TSNARE1: variants seen among roughly 807,000 people sequenced by gnomAD.
TSNARE1 encodes t-SNARE domain-containing protein 1.
Under a neutral mutation model 62.0 loss-of-function variants are expected in TSNARE1, and 49 were observed. The ratio of observed to expected loss-of-function variants is 0.79; its 90% CI spans 0.63 to 1.00. The LOEUF (loss-of-function observed/expected upper bound fraction) is 1.00, where lower values mean the gene tolerates loss of function less well. Among genes scored for constraint, TSNARE1 ranks in the 50% least tolerant of loss-of-function variants. The probability of loss-of-function intolerance (pLI) is 0.00; values close to 1 mark genes in which losing one functional copy is unlikely to be tolerated. For synonymous variants in TSNARE1, 328 were observed against 294.4 expected, an observed-to-expected ratio of 1.11 and a Z score of -1.17; for missense variants, 755 against 700.1, an observed-to-expected ratio of 1.08 and a Z score of -0.88.
At chr8:142,316,169 C>T (rs1413074496) in intron 7 of TSNARE1, among the ~76,000 whole-genome samples, 1 of 148,026 alleles carries the variant, frequency 6.8e-6, no homozygotes, top group Non-Finnish European at 1.5e-5. Context: ...CTCAGGCACA[C>T]CTGAGTCAGA....
At chr8:142,371,611 G>C (rs1010633945) in intron 1 of TSNARE1, among the ~76,000 whole-genome samples, 2 of 152,176 alleles carry the variant, frequency 1.3e-5, no homozygotes, top group African/African-American at 4.8e-5. Flanking sequence ...GAGGTATCGG[G>C]CTGTAAAGGA....
chr8:142,364,267 T>C (rs1835375303), intron 1 of TSNARE1, among the ~76,000 whole-genome samples: 1 of 152,204 alleles, frequency 6.6e-6, no homozygotes, highest in Non-Finnish European at 1.5e-5. Context: ...CTCGTCATCC[T>C]ACCCGCCACA....
Position 142,345,908 on chromosome 8 carries a change from G to T in TSNARE1, c.89-16C>A. On this transcript the variant is annotated splice_polypyrimidine_tract_variant and intron_variant, in intron 2 of 13. Coordinates refer to ENST00000524325, the MANE Select transcript of TSNARE1 (RefSeq NM_145003.5). ...CTAGCGCACTCTACGGACAGCAAGGGACAGTCACGATTACTCTCAGCTCAG... is the reference window on the plus strand; with the variant it reads ...CTAGCGCACTCTACGGACAGCAAGGTACAGTCACGATTACTCTCAGCTCAG... The T allele has an allele frequency of 1.2e-6, 2 of 1,610,104 alleles. No individual in the cohort carries two copies. The highest frequency in any genetic ancestry group is 1.7e-6 in the Non-Finnish European group (2 of 1,177,708).
At chr8:142,346,185 C>G (rs1833346653) in intron 2 of TSNARE1, among the ~76,000 whole-genome samples, 1 of 152,212 alleles carries the variant, frequency 6.6e-6, no homozygotes, top group Non-Finnish European at 1.5e-5. Flanking sequence ...ACAGATTAAT[C>G]CCTGGACAGC....
chr8:142,294,294 T>C (rs1424527020), intron 10 of TSNARE1, among the ~76,000 whole-genome samples: 1 of 152,090 alleles, frequency 6.6e-6, no homozygotes, highest in African/African-American at 2.4e-5. Context: ...ATCACCTCGC[T>C]AACACCTGGG....
intron 13 of TSNARE1, among the ~76,000 whole-genome samples, chr8:142,226,411 G>A (rs1408757424): frequency 3.3e-5 from 5 of 152,162 alleles, no homozygotes; most frequent in East Asian, 1.9e-4. Flanking sequence ...TACGGTTGGC[G>A]CCTCCCGCCC....
chr8:142,280,597 G>A (rs997683276), intron 11 of TSNARE1, among the ~76,000 whole-genome samples: 13 of 152,126 alleles, frequency 8.5e-5, no homozygotes, highest in African/African-American at 2.7e-4. Flanking sequence ...CCCTCCCCAC[G>A]ACTGCTCCCT....
chr8:142,320,483 C>T (rs1013993939), intron 6 of TSNARE1, among the ~76,000 whole-genome samples: 2 of 151,810 alleles, frequency 1.3e-5, no homozygotes, highest in Non-Finnish European at 2.9e-5. Context: ...CCCACACTGC[C>T]CTCCTGCACC....
In TSNARE1 at chr8:142,251,226, C is replaced by G. The variant is rs76815107; in HGVS notation, c.1447-21647G>C. On this transcript the variant is annotated intron_variant, in intron 12 of 13. Transcript: ENST00000524325. ...TCCACCAGATTCCCAGTCTCCAGAC[C>G]CCGGCCCCCCTGCACACCGCAGCCT... Among the ~76,000 whole-genome samples, 138 of 152,088 alleles carry G rather than the reference C, an allele frequency of 9.1e-4. 1 individual carries two copies. The East Asian group carries it at 0.021, about 23-fold the overall frequency.
intron 13 of TSNARE1, among the ~76,000 whole-genome samples, chr8:142,226,615 C>G (rs1367902023): frequency 1.3e-5 from 2 of 152,176 alleles, no homozygotes; most frequent in Admixed American, 1.3e-4. Context: ...CCCCACTCCT[C>G]TGGCTAAAGA....
At chr8:142,402,063 A>G (rs1157874210) in intron 1 of TSNARE1, among the ~76,000 whole-genome samples, 1 of 152,162 alleles carries the variant, frequency 6.6e-6, no homozygotes, top group Non-Finnish European at 1.5e-5. Context: ...GAGAGCGGTC[A>G]GAAAGGTGAG....
intron 10 of TSNARE1, among the ~76,000 whole-genome samples, chr8:142,284,880 C>T (rs182948088): frequency 6.6e-6 from 1 of 152,346 alleles, no homozygotes; most frequent in Non-Finnish European, 1.5e-5. Context: ...AAAGGCCTGA[C>T]TGCAAGAGAG....
intron 1 of TSNARE1, among the ~76,000 whole-genome samples, chr8:142,397,760 G>A (rs1837998845): frequency 6.6e-6 from 1 of 152,160 alleles, no homozygotes; most frequent in Non-Finnish European, 1.5e-5. Context: ...ATGAGCAGCA[G>A]CTGCTGCCAG....
intron 9 of TSNARE1, among the ~76,000 whole-genome samples, chr8:142,313,652 C>T (rs1828027533): frequency 6.6e-6 from 1 of 150,876 alleles, no homozygotes; most frequent in Non-Finnish European, 1.5e-5. Context: ...TCTGTCTCTG[C>T]AAGTCTCTGT....
At chr8:142,354,283 C>T (rs148888796) in intron 2 of TSNARE1, among the ~76,000 whole-genome samples, 408 of 152,194 alleles carry the variant, frequency 2.7e-3, no homozygotes, top group African/African-American at 9.3e-3. Flanking sequence ...TGCAAAGTGC[C>T]ACCTGCTCCA....
chr8:142,315,016 C>T lies in TSNARE1; in HGVS notation c.1061G>A (p.Gly354Glu). ...CCAGCACCTCACCTTCTGCACCACT[C>T]CATAGCACTGAATGGCATCTGAGAG... ...TQLSDAIQCY[G>E]VVQKKIAEKS... Residue 354 changes from glycine (G) to glutamate (E), a missense_variant, in exon 8 of 14, where the codon GGA becomes GAA. Physicochemically the swap from Gly to Glu is moderately conservative, Grantham distance 98. Transcript: ENST00000524325. 1 of 1,614,178 alleles carries T rather than the reference C, an allele frequency of 6.2e-7. No homozygotes were observed. The highest frequency in any genetic ancestry group is 8.5e-7 in the Non-Finnish European group (1 of 1,180,024).
At chr8:142,320,278 C>A (rs1345786802) in intron 6 of TSNARE1, among the ~76,000 whole-genome samples, 1 of 152,198 alleles carries the variant, frequency 6.6e-6, no homozygotes, top group East Asian at 1.9e-4. Context: ...AGCCAAAGTC[C>A]CTCTAGCGCT....
At chr8:142,300,888 C>A (rs989793992) in intron 9 of TSNARE1, among the ~76,000 whole-genome samples, 4 of 152,154 alleles carry the variant, frequency 2.6e-5, no homozygotes, top group East Asian at 1.9e-4. Flanking sequence ...TGTCATCAGC[C>A]CCCCCGCATC....
intron 12 of TSNARE1, among the ~76,000 whole-genome samples, chr8:142,233,155 A>T (rs998144606): frequency 6.6e-6 from 1 of 152,188 alleles, no homozygotes; most frequent in Non-Finnish European, 1.5e-5. Context: ...CCATGACCTG[A>T]GTAGACTGCA....
Sources: gnomAD v4.1 joint callset for allele counts (sites outside exome capture counted in the v4.1 genomes callset) on GRCh38, gnomAD v4.1.1 for gene constraint, MANE v1.5 for transcripts, NCBI Gene and HGNC (gene_info 2026-07-23, HGNC 2026-07-21) for gene names.